Variants in SMC1B observed in about 807,000 individuals in gnomAD.
The protein encoded by SMC1B is structural maintenance of chromosomes 1B, also known as structural maintenance of chromosomes protein 1B.
SMC1B carries 60 observed loss-of-function variants against 157.9 expected under a neutral mutation model. That is an observed-to-expected ratio of 0.38 (90% CI 0.31 to 0.47). SMC1B has a LOEUF of 0.47. Among genes scored for constraint, SMC1B ranks in the 20% least tolerant of loss-of-function variants. The probability of loss-of-function intolerance (pLI) is 0.99; values close to 1 mark genes in which losing one functional copy is unlikely to be tolerated. For synonymous variants in SMC1B, 445 were observed against 483.0 expected (o/e 0.92, Z 1.03); for missense variants, 1,165 against 1,426.2 (o/e 0.82, Z 2.95).
chr22:45,409,981 G>A (rs2087312678), intron 1 of SMC1B, among the ~76,000 whole-genome samples: 1 of 152,194 alleles, frequency 6.6e-6, no homozygotes, highest in Non-Finnish European at 1.5e-5. Flanking sequence ...ACAATCTCCC[G>A]ATAAAAACGC....
At chr22:45,351,027 G>C (rs979234032) in intron 22 of SMC1B, among the ~76,000 whole-genome samples, 1 of 152,078 alleles carries the variant, frequency 6.6e-6, no homozygotes, top group Non-Finnish European at 1.5e-5. Context: ...CACATGACCT[G>C]CTCCATTTAT....
chr22:45,382,358 A>G (rs998071627), intron 12 of SMC1B, among the ~76,000 whole-genome samples: 1 of 152,242 alleles, frequency 6.6e-6, no homozygotes, highest in South Asian at 2.1e-4. Context: ...TGAAGAAAAC[A>G]TAACACAAAA....
chr22:45,377,568 G>A (rs184655191), intron 12 of SMC1B, among the ~76,000 whole-genome samples: 4 of 151,590 alleles, frequency 2.6e-5, no homozygotes, highest in Admixed American at 6.6e-5. Context: ...AACCCGGGAG[G>A]CAGAGGTTGC....
intron 4 of SMC1B, among the ~76,000 whole-genome samples, chr22:45,405,156 T>G (rs142156724): frequency 1.3e-5 from 2 of 151,782 alleles, no homozygotes; most frequent in South Asian, 4.2e-4. Context: ...AGCCCCAGAA[T>G]AGAAAGGAGT....
chr22:45,352,241 C>A (rs985975867), intron 22 of SMC1B, among the ~76,000 whole-genome samples: 4 of 150,702 alleles, frequency 2.7e-5, no homozygotes, highest in Non-Finnish European at 4.4e-5. Context: ...AAAAACCCCA[C>A]TAAAAATCTA....
chr22:45,353,786 G>A (rs905692069), intron 21 of SMC1B, among the ~76,000 whole-genome samples, 192 bp downstream of exon 21: 2 of 150,512 alleles, frequency 1.3e-5, no homozygotes, highest in African/African-American at 4.9e-5. Flanking sequence ...TGAACAGTGT[G>A]GAGTGAATGG....
intron 9 of SMC1B, among the ~76,000 whole-genome samples, chr22:45,392,056 C>A (rs146755224): frequency 6.6e-6 from 1 of 152,314 alleles, no homozygotes; most frequent in African/African-American, 2.4e-5. Context: ...AAGCAATTCT[C>A]CTGCCTCAGC....
intron 11 of SMC1B, among the ~76,000 whole-genome samples, chr22:45,385,713 CAA>C (rs1269583622): frequency 6.6e-6 from 1 of 151,798 alleles, no homozygotes; most frequent in Non-Finnish European, 1.5e-5. Context: ...TACAAATATA[CAA>C]AAGTCAATGT....
intron 4 of SMC1B, 147 bp from the exon 5 acceptor site, chr22:45,402,718 G>A (rs1030388040): frequency 4.8e-5 from 33 of 689,694 alleles, no homozygotes; most frequent in Non-Finnish European, 3.3e-5. Flanking sequence ...ATAATTTGGC[G>A]AGGGTTTCTG....
At chr22:45,398,991 T>C in intron 6 of SMC1B, 104 bp downstream of exon 6, 1 of 1,113,900 alleles carries the variant, frequency 9.0e-7, no homozygotes, top group Non-Finnish European at 1.3e-6. Context: ...ACATTGAGGA[T>C]AATCTCTTAA....
intron 12 of SMC1B, among the ~76,000 whole-genome samples, chr22:45,378,567 C>T (rs984107603): frequency 5.3e-5 from 8 of 152,078 alleles, no homozygotes; most frequent in African/African-American, 1.2e-4. Flanking sequence ...AGCATAAAAG[C>T]GTGTAACTTA....
At position 45,386,249 on chromosome 22, in the gene SMC1B, T is replaced by A. The variant is rs111880688; in HGVS notation, c.1911+618A>T. 1.9e-3 allele frequency among the ~76,000 whole-genome samples: 279 copies of A among 149,106 alleles called. 1 individual carries two copies. The East Asian group carries it at 0.039, about 21-fold the overall frequency. ...TGATACTTCATCATAAATGTAGTTT[T>A]AAAAAAAAAACTATGTCAGATTATT... On this transcript the variant is annotated intron_variant, in intron 11 of 24. Coordinates refer to ENST00000357450, the MANE Select transcript of SMC1B (RefSeq NM_148674.5).
At chr22:45,412,155 T>C (rs12106522) in intron 1 of SMC1B, among the ~76,000 whole-genome samples, 20,215 of 148,506 alleles carry the variant, frequency 0.14, 1,388 homozygotes, top group South Asian at 0.21. Flanking sequence ...GCTGGGATTA[T>C]AGGCATGAGC....
chr22:45,364,968 GC>G (rs1221394740), intron 15 of SMC1B, among the ~76,000 whole-genome samples: 3 of 151,666 alleles, frequency 2.0e-5, no homozygotes, highest in Admixed American at 2.0e-4. Context: ...CTCCCAAGTA[GC>G]TGGGACTACA....
intron 2 of SMC1B, among the ~76,000 whole-genome samples, chr22:45,407,758 T>G (rs1426943139): frequency 6.6e-6 from 1 of 152,092 alleles, no homozygotes; most frequent in African/African-American, 2.4e-5. Flanking sequence ...TATATTATCT[T>G]ATATAAAAAT....
chr22:45,365,592 CT>C (rs993922812), intron 15 of SMC1B, among the ~76,000 whole-genome samples: 80 of 152,238 alleles, frequency 5.3e-4, no homozygotes, highest in African/African-American at 1.9e-3. Context: ...GTGGTCCCAG[CT>C]ACTTGGGAGG....
chr22:45,382,198 G>A (rs769318783), intron 12 of SMC1B, among the ~76,000 whole-genome samples: 4 of 152,076 alleles, frequency 2.6e-5, no homozygotes, highest in Non-Finnish European at 5.9e-5. Context: ...CTAAAATCCA[G>A]AAGTTATAAA....
chr22:45,389,000 A>AAAAG (rs1555930075), intron 10 of SMC1B, among the ~76,000 whole-genome samples: 35 of 148,962 alleles, frequency 2.3e-4, no homozygotes, highest in African/African-American at 8.4e-4. Flanking sequence ...AAAAAAAAAA[A>AAAAG]AAAAGAAAAA....
chr22:45,361,370 T>C (rs2086720003), intron 17 of SMC1B, among the ~76,000 whole-genome samples: 1 of 152,180 alleles, frequency 6.6e-6, no homozygotes, highest in African/African-American at 2.4e-5. Context: ...CCCAGCACTT[T>C]GGGAGGCTGA....
Sources: gnomAD v4.1 joint callset for allele counts (sites outside exome capture counted in the v4.1 genomes callset) on GRCh38, gnomAD v4.1.1 for gene constraint, MANE v1.5 for transcripts, NCBI Gene and HGNC (gene_info 2026-07-23, HGNC 2026-07-21) for gene names.